The following MDN1 variants were observed in gnomAD, a reference collection of about 807,000 sequenced individuals.
MDN1 encodes midasin.
Under a neutral mutation model 669.2 loss-of-function variants are expected in MDN1, and 266 were observed. The observed-to-expected ratio is 0.40, with a 90% confidence interval of 0.36 to 0.44. The LOEUF (loss-of-function observed/expected upper bound fraction) is 0.44, where lower values mean the gene tolerates loss of function less well. Ranked by LOEUF, MDN1 falls within the 20% of genes least tolerant of loss-of-function variation. The pLI is 1.00. For synonymous variants in MDN1, 2,385 were observed against 2,457.1 expected, an observed-to-expected ratio of 0.97 and a Z score of 0.87; for missense variants, 5,940 against 6,754.0, an observed-to-expected ratio of 0.88 and a Z score of 4.22.
chr6:89,750,796 T>G (rs1386274073), intron 23 of MDN1, among the ~76,000 whole-genome samples: 2 of 152,020 alleles, frequency 1.3e-5, no homozygotes, highest in Non-Finnish European at 2.9e-5. Context: ...AGAGACAGAG[T>G]CTTGCCGTGT....
chr6:89,698,987 T>A lies in MDN1; in HGVS notation c.9046A>T (p.Met3016Leu). Residue 3016 changes from methionine to leucine, a missense_variant, in exon 59 of 102, where the codon ATG (methionine) becomes TTG (leucine). Physicochemically the swap from Met to Leu is conservative, Grantham distance 15. Coordinates refer to ENST00000369393, the MANE Select transcript of MDN1 (RefSeq NM_014611.3). Reference protein sequence around the residue: ...TSLWSELFNSMFMSFWSSTVT... With the variant: ...TSLWSELFNSLFMSFWSSTVT... ...GTACTGCTCCAGAAAGACATAAACA[T>A]GGAATTAAATAACTCGGACCACAAA... The A allele has an allele frequency of 1.2e-6, 2 of 1,613,938 alleles. No individual in the cohort carries two copies. The highest frequency in any genetic ancestry group is 1.7e-6 in the Non-Finnish European group (2 of 1,179,934).
At chr6:89,745,684 C>T in intron 27 of MDN1, 58 bp from the exon 28 acceptor site, 1 of 1,526,332 alleles carries the variant, frequency 6.6e-7, no homozygotes, top group Non-Finnish European at 9.0e-7. Flanking sequence ...CCGGGAACAC[C>T]AAGGGATATG....
intron 35 of MDN1, 26 bp from the exon 36 acceptor site, chr6:89,729,165 G>T: frequency 6.3e-7 from 1 of 1,575,392 alleles, no homozygotes; most frequent in East Asian, 2.2e-5. Flanking sequence ...GTAAAGTCAT[G>T]TATAAGCGGG....
At chr6:89,660,176 C>T (rs767384501) in intron 88 of MDN1, among the ~76,000 whole-genome samples, 14 of 152,054 alleles carry the variant, frequency 9.2e-5, no homozygotes, top group South Asian at 2.1e-4. Flanking sequence ...CATGAACCAC[C>T]GCGCCTGGCT....
chr6:89,672,258 G>C lies in MDN1; in HGVS notation c.13736C>G (p.Ser4579Cys). The C allele has an allele frequency of 6.2e-7, 1 of 1,612,050 alleles. No individual in the cohort carries two copies. The highest frequency in any genetic ancestry group is 8.5e-7 in the Non-Finnish European group (1 of 1,179,652). ...LHVQKIISAI[S>C]ELLERLKSYG... ...CGATTTCAGCCTCTCCAACAGCTCG[G>C]AGATGGCAGAAATTATTTTCTGCAC... is the stretch of plus-strand genomic sequence containing the variant. The change falls in exon 82 of 102, where the codon TCC (serine) becomes TGC (cysteine). Residue 4579 changes from serine (S) to cysteine (C), a missense_variant. Around this residue, in one of 5 missense-constraint regions of MDN1, gnomAD observed 2,280 missense variants for 2,576.3 expected, o/e 0.88. Transcript: ENST00000369393.
chr6:89,697,591 T>A (rs1423097095), intron 59 of MDN1, among the ~76,000 whole-genome samples: 7 of 152,082 alleles, frequency 4.6e-5, no homozygotes, highest in Admixed American at 2.6e-4. Context: ...CCTATTTTTT[T>A]TTTTTTTTGA....
At chr6:89,770,099 C>T (rs1487741955) in intron 15 of MDN1, among the ~76,000 whole-genome samples, 2 of 150,356 alleles carry the variant, frequency 1.3e-5, no homozygotes, top group Non-Finnish European at 3.0e-5. Context: ...TCCTGCCTCC[C>T]AAAAAAACAA....
chr6:89,707,465 T>C lies in MDN1; in HGVS notation c.7910A>G (p.Tyr2637Cys). The C allele has an allele frequency of 6.2e-7, 1 of 1,607,202 alleles. No homozygotes were observed. Among genetic ancestry groups the C allele is most frequent in the South Asian group, 1.1e-5 (1 of 90,916 alleles). ...AAAAACCCGTTTTTCCCGGTCAAGA[T>C]ATATGATTGTCCTGGAATGAGATTC... is the stretch of plus-strand genomic sequence containing the variant. ...LESAANKTII[Y>C]LDREKRVFTE... is the part of the protein sequence containing the mutation. The change falls in exon 52 of 102, where the codon TAT becomes TGT. Residue 2637 changes from tyrosine to cysteine, a missense_variant. Transcript: ENST00000369393.
At chr6:89,677,791 C>T (rs1183713872) in intron 75 of MDN1, 95 bp from the exon 76 acceptor site, 3 of 1,520,396 alleles carry the variant, frequency 2.0e-6, no homozygotes, top group Admixed American at 1.8e-5. Flanking sequence ...GTCTTCTAAA[C>T]AGCATCACCT....
rs900514789 is a variant in MDN1 at position 89,712,096 on chromosome 6, C to A, written c.7591G>T (p.Asp2531Tyr). 1.9e-6 allele frequency: 3 copies of A among 1,614,046 alleles called. No homozygotes were observed. The highest frequency in any genetic ancestry group is 2.7e-5 in the African/African-American group (2 of 74,932). Reference protein sequence around the residue: ...KLLIERATNQDWMLRVKWLYH... With the variant: ...KLLIERATNQYWMLRVKWLYH... ...AGCCATTTAACTCTGAGCATCCAAT[C>A]CTGATTGGTTGCTCTTTCTATGAGC... Residue 2531 changes from aspartate to tyrosine, a missense_variant, in exon 49 of 102, where the codon GAT becomes TAT. Asp to Tyr is a radical substitution (Grantham distance 160, BLOSUM62 -3). Around this residue, in one of 5 missense-constraint regions of MDN1, gnomAD observed 2,292 missense variants for 2,638.3 expected, o/e 0.87. Coordinates refer to ENST00000369393, the MANE Select transcript of MDN1 (RefSeq NM_014611.3).
In MDN1 at chr6:89,683,017, G is replaced by A. The variant is rs908527135; in HGVS notation, c.12102+115C>T. The A allele has an allele frequency of 1.5e-5, 16 of 1,068,676 alleles. No homozygotes were observed. The African/African-American group carries it at 1.9e-4, about 13-fold the overall frequency. The allele number at this position is 1,068,676 out of a possible 1,614,324, so 66.2% of individuals were successfully genotyped here. ...CAAATACATGCTATATATGTCCAAA[G>A]AACAAGATTTCAAAGGCATTTTCTT... On this transcript the variant is annotated intron_variant, in intron 73 of 101. Coordinates refer to ENST00000369393, the MANE Select transcript of MDN1 (RefSeq NM_014611.3).
chr6:89,702,938 C>T (rs1562113683), intron 53 of MDN1, among the ~76,000 whole-genome samples: 22 of 140,368 alleles, frequency 1.6e-4, no homozygotes, highest in Admixed American at 7.1e-5. Flanking sequence ...GGTAAAGGCC[C>T]TTTTTTTTTT....
chr6:89,654,441 A>T, intron 92 of MDN1, 107 bp from the exon 93 acceptor site: 1 of 1,433,082 alleles, frequency 7.0e-7, no homozygotes, highest in Non-Finnish European at 9.6e-7. Context: ...AATGCTAGTG[A>T]TGCAAGTTGT....
Position 89,683,285 on chromosome 6 carries a change from T to C in MDN1, c.11949A>G (p.Glu3983=). ...FMKKFEAVLS[E]PCRSSLVESD... ...TCTCCACCAGGGATGACCGGCAGGGTTCACTCAGGACTGCTTCAAATTTCT... is the reference window on the plus strand; with the variant it reads ...TCTCCACCAGGGATGACCGGCAGGGCTCACTCAGGACTGCTTCAAATTTCT... Residue 3983 remains glutamate (E), a synonymous_variant, in exon 73 of 102, where the codon GAA becomes GAG. Coordinates refer to ENST00000369393, the MANE Select transcript of MDN1 (RefSeq NM_014611.3). The C allele has an allele frequency of 6.2e-7, 1 of 1,614,226 alleles. No individual in the cohort carries two copies. The highest frequency in any genetic ancestry group is 2.2e-5 in the East Asian group (1 of 44,882).
At chr6:89,796,816 C>A (rs1408101299) in intron 2 of MDN1, among the ~76,000 whole-genome samples, 6 of 152,154 alleles carry the variant, frequency 3.9e-5, no homozygotes, top group Non-Finnish European at 7.3e-5. Context: ...CACCTGTAAT[C>A]CCAGCACTTT....
chr6:89,764,750 GAAGA>G (rs1817717784), intron 15 of MDN1, among the ~76,000 whole-genome samples: 1 of 152,200 alleles, frequency 6.6e-6, no homozygotes, highest in East Asian at 1.9e-4. Context: ...GTGCAAAGCA[GAAGA>G]AAGTGGTTGG....
At chr6:89,675,807 C>A in intron 77 of MDN1, 1 of 565,352 alleles carries the variant, frequency 1.8e-6, no homozygotes, top group Non-Finnish European at 3.1e-6. Flanking sequence ...GGTCTTTTCT[C>A]AATTCACAAA....
At chr6:89,658,951 A>T in intron 88 of MDN1, 34 bp from the exon 89 acceptor site, 1 of 1,546,132 alleles carries the variant, frequency 6.5e-7, no homozygotes, top group Non-Finnish European at 8.7e-7. Context: ...GGAGTGCAGA[A>T]TTTTTGAAAC....
At chr6:89,702,924 T>C (rs1036395879) in intron 53 of MDN1, among the ~76,000 whole-genome samples, 2 of 146,038 alleles carry the variant, frequency 1.4e-5, no homozygotes, top group Non-Finnish European at 3.0e-5. Context: ...TAATGTGAGG[T>C]AGGGGTAAAG....
Sources: gnomAD v4.1 joint callset for allele counts (sites outside exome capture counted in the v4.1 genomes callset) on GRCh38, gnomAD v4.1.1 for gene constraint, gnomAD v4.1.1 regional missense constraint, MANE v1.5 for transcripts, NCBI Gene and HGNC (gene_info 2026-07-23, HGNC 2026-07-21) for gene names.